SLC28A3: variants seen among roughly 807,000 people sequenced by gnomAD.
SLC28A3 encodes concentrative Na(+)-nucleoside cotransporter 3.
In SLC28A3, 68 loss-of-function variants were observed where a neutral mutation model predicts 84.2. The observed-to-expected ratio is 0.81, with a 90% CI of 0.66 to 0.99. SLC28A3 has a LOEUF of 0.99. SLC28A3 is among the 50% of genes least tolerant of loss of function. SLC28A3 has a pLI of 0.00. For synonymous variants in SLC28A3, 267 were observed against 303.6 expected, an observed-to-expected ratio of 0.88 and a Z score of 1.25; for missense variants, 712 against 841.5, an observed-to-expected ratio of 0.85 and a Z score of 1.90.
rs1380270600 is a variant in SLC28A3 at position 84,290,170 on chromosome 9, G to C, written c.1133C>G (p.Ala378Gly). The C allele has an allele frequency of 3.7e-6, 6 of 1,613,916 alleles. No homozygotes were observed. In the Admixed American group the frequency reaches 6.7e-5, roughly 18 times the overall value. Residue 378 changes from alanine to glycine, a missense_variant, in exon 11 of 18, where the codon GCA becomes GGA. Coordinates refer to ENST00000376238, the MANE Select transcript of SLC28A3 (RefSeq NM_001199633.2). Reference sequence around the variant, plus strand: ...CATTCTTACCCCAAAAGAAATGTATGCACCTAGCACGCTTCCAGCAATGGT... The same window carrying C: ...CATTCTTACCCCAAAAGAAATGTATCCACCTAGCACGCTTCCAGCAATGGT... ...FSTIAGSVLG[A>G]YISFGVPSSH...
intron 1 of SLC28A3, among the ~76,000 whole-genome samples, chr9:84,326,795 C>T (rs1468038161): frequency 6.6e-6 from 1 of 152,156 alleles, no homozygotes; most frequent in East Asian, 1.9e-4. Context: ...CACTTGAGGT[C>T]AGGAGTTTGA....
chr9:84,318,352 T>A (rs547685520), intron 1 of SLC28A3, among the ~76,000 whole-genome samples: 19 of 122,238 alleles, frequency 1.6e-4, no homozygotes, highest in Non-Finnish European at 3.1e-4. Context: ...AGTCTCTGTA[T>A]GCTGCTGTGA....
At chr9:84,314,629 A>T (rs928429514) in intron 1 of SLC28A3, among the ~76,000 whole-genome samples, 2 of 152,262 alleles carry the variant, frequency 1.3e-5, no homozygotes, top group Admixed American at 6.5e-5. Flanking sequence ...TTCATGCATC[A>T]AAGTATTGTG....
intron 1 of SLC28A3, among the ~76,000 whole-genome samples, chr9:84,337,778 A>G (rs1189960966): frequency 1.3e-5 from 2 of 152,124 alleles, no homozygotes. Context: ...TTAGAGGTAC[A>G]ATAAAATGAG....
intron 8 of SLC28A3, among the ~76,000 whole-genome samples, chr9:84,295,804 A>C (rs891573961): frequency 1.3e-5 from 2 of 152,156 alleles, no homozygotes; most frequent in Admixed American, 6.5e-5. Flanking sequence ...AACTGGCCAG[A>C]GAAAGCTGCT....
In SLC28A3 at chr9:84,290,150, T is replaced by A; in HGVS notation, c.1149+4A>T. The A allele has an allele frequency of 6.2e-7, 1 of 1,613,150 alleles. No homozygotes were observed. Among genetic ancestry groups the A allele is most frequent in the Non-Finnish European group, 8.5e-7 (1 of 1,179,458 alleles). The stretch of plus-strand genomic sequence containing the variant: ...GTGTTTTCATAATTCCAAAACATTC[T>A]TACCCCAAAAGAAATGTATGCACCT... On this transcript the variant is annotated splice_donor_region_variant and intron_variant, in intron 11 of 17. Transcript: ENST00000376238.
In SLC28A3 at chr9:84,297,870, C is replaced by T. The variant is rs572689302; in HGVS notation, c.783+36G>A. On this transcript the variant is annotated intron_variant, in intron 7 of 17. Coordinates refer to ENST00000376238, the MANE Select transcript of SLC28A3 (RefSeq NM_001199633.2). ...AGGATTACCTCCAATGTTAAAAGCACCATAAAAGCAAAGTGTTCTTTTGAA... is the reference window on the plus strand; with the variant it reads ...AGGATTACCTCCAATGTTAAAAGCATCATAAAAGCAAAGTGTTCTTTTGAA... The T allele has an allele frequency of 5.8e-6, 9 of 1,542,240 alleles. No homozygotes were observed. In the East Asian group the frequency reaches 1.6e-4, roughly 27 times the overall value.
the SLC28A3 span, among the ~76,000 whole-genome samples, chr9:84,356,865 A>ATAAAC: frequency 6.6e-6 from 1 of 151,922 alleles, no homozygotes; most frequent in East Asian, 1.9e-4. Context: ...ATAAAATAAA[A>ATAAAC]TAAATTTATC....
chr9:84,337,445 C>T (rs904462021), intron 1 of SLC28A3, among the ~76,000 whole-genome samples: 83 of 144,310 alleles, frequency 5.8e-4, no homozygotes, highest in African/African-American at 1.9e-3. Flanking sequence ...TGTGTGTGCG[C>T]GCGCGTGTGT....
chr9:84,319,105 G>A (rs1270002889), intron 1 of SLC28A3, among the ~76,000 whole-genome samples: 20 of 152,136 alleles, frequency 1.3e-4, no homozygotes. Flanking sequence ...GCTACTTGAA[G>A]GGGAAGGAAA....
At chr9:84,367,617 GTATT>G in the SLC28A3 span, among the ~76,000 whole-genome samples, 1 of 152,172 alleles carries the variant, frequency 6.6e-6, no homozygotes, top group Non-Finnish European at 1.5e-5. Context: ...AGTTCCCTCA[GTATT>G]TATTGATTTC....
At chr9:84,290,102 A>G in intron 11 of SLC28A3, 52 bp downstream of exon 11, 2 of 1,589,108 alleles carry the variant, frequency 1.3e-6, no homozygotes, top group Non-Finnish European at 1.7e-6. Flanking sequence ...AAGAAATAAC[A>G]ATAATAAAGA....
At chr9:84,309,474 G>C (rs1825908892) in intron 3 of SLC28A3, among the ~76,000 whole-genome samples, 155 bp downstream of exon 3, 1 of 122,596 alleles carries the variant, frequency 8.2e-6, no homozygotes, top group African/African-American at 3.1e-5. Flanking sequence ...AATGAGCCGA[G>C]ATCACATCAC....
chr9:84,316,706 CTG>C (rs1269956734), intron 1 of SLC28A3, among the ~76,000 whole-genome samples: 1 of 152,200 alleles, frequency 6.6e-6, no homozygotes, highest in African/African-American at 2.4e-5. Context: ...GCAGGAGACA[CTG>C]TGTAAAACTC....
At chr9:84,357,047 T>G in the SLC28A3 span, among the ~76,000 whole-genome samples, 1 of 152,172 alleles carries the variant, frequency 6.6e-6, no homozygotes, top group Non-Finnish European at 1.5e-5. Flanking sequence ...GTGCATTCAT[T>G]TATGCCATTG....
chr9:84,296,427 G>A (rs1453647862), intron 8 of SLC28A3, among the ~76,000 whole-genome samples: 1 of 152,124 alleles, frequency 6.6e-6, no homozygotes, highest in Non-Finnish European at 1.5e-5. Context: ...GTAATTTGGA[G>A]GTAAATTTGG....
intron 1 of SLC28A3, among the ~76,000 whole-genome samples, chr9:84,317,904 G>C (rs1339095974): frequency 6.6e-6 from 1 of 152,114 alleles, no homozygotes; most frequent in Non-Finnish European, 1.5e-5. Context: ...ACATCTGTTT[G>C]GTGAATCTGA....
At chr9:84,343,246 G>A (rs1346748082), upstream of SLC28A3, among the ~76,000 whole-genome samples, 1 of 152,096 alleles carries the variant, frequency 6.6e-6, no homozygotes, top group African/African-American at 2.4e-5. Context: ...ACAGGGTTGA[G>A]TGGTGACTGA....
intron 17 of SLC28A3, 106 bp from the exon 18 acceptor site, chr9:84,278,450 T>C: frequency 6.9e-7 from 1 of 1,441,148 alleles, no homozygotes; most frequent in Non-Finnish European, 9.4e-7. Context: ...GCTGATTTTC[T>C]TGCTCACATT....
Sources: gnomAD v4.1 joint callset for allele counts (sites outside exome capture counted in the v4.1 genomes callset) on GRCh38, gnomAD v4.1.1 for gene constraint, MANE v1.5 for transcripts, NCBI Gene and HGNC (gene_info 2026-07-23, HGNC 2026-07-21) for gene names.